Variants in PARD3B observed in about 807,000 individuals in gnomAD.
PARD3B encodes the protein par-3 family cell polarity regulator beta.
A neutral mutation model predicts 130.2 loss-of-function variants in PARD3B; 103 were observed. The observed-to-expected ratio is 0.79, with a 90% CI of 0.67 to 0.93. The LOEUF (loss-of-function observed/expected upper bound fraction) is 0.93, where lower values mean the gene tolerates loss of function less well. Ranked by LOEUF, PARD3B falls within the 40% of genes least tolerant of loss-of-function variation. PARD3B has a pLI of 0.00. For synonymous variants in PARD3B, 583 were observed against 553.2 expected, an observed-to-expected ratio of 1.05 and a Z score of -0.76; for missense variants, 1,609 against 1,499.2, an observed-to-expected ratio of 1.07 and a Z score of -1.21.
Position 204,585,217 on chromosome 2 carries a change from A to G in PARD3B, c.120+39098A>G, listed in dbSNP as rs1158750038. Reference sequence around the variant, plus strand: ...GTTGGGAAGTGTGGTTTCCTTCAGGACAATGGAGGCAGCAGACCTGAAAAC... The same window carrying G: ...GTTGGGAAGTGTGGTTTCCTTCAGGGCAATGGAGGCAGCAGACCTGAAAAC... On this transcript the variant is annotated intron_variant, in intron 1 of 22. Coordinates refer to ENST00000406610, the MANE Select transcript of PARD3B (RefSeq NM_001302769.2). 2.6e-5 allele frequency among the ~76,000 whole-genome samples: 4 copies of G among 152,320 alleles called. No homozygotes were observed. In the South Asian group the frequency reaches 6.2e-4, roughly 24 times the overall value.
At chr2:204,554,174 C>A (rs2030749388) in intron 1 of PARD3B, among the ~76,000 whole-genome samples, 1 of 152,116 alleles carries the variant, frequency 6.6e-6, no homozygotes, top group South Asian at 2.1e-4. Context: ...TACGTCTTAG[C>A]ACTACAGTAC....
At chr2:204,883,002 G>A (rs1421462451) in intron 2 of PARD3B, among the ~76,000 whole-genome samples, 2 of 152,176 alleles carry the variant, frequency 1.3e-5, no homozygotes, top group Non-Finnish European at 2.9e-5. Context: ...CTCCTGTAAA[G>A]ACACCTTGTA....
Position 205,158,669 on chromosome 2 carries a change from A to G in PARD3B, c.1435-53A>G. ...TGTGTCTGGTCATCTGAGAGAGTGA[A>G]ATATTAATCTGCTTTCTTCTCTTCA... On this transcript the variant is annotated intron_variant, in intron 10 of 22. Coordinates refer to ENST00000406610, the MANE Select transcript of PARD3B (RefSeq NM_001302769.2). This position sits in a 1 kb window ranked among gnomAD's most constrained non-coding sequence, Gnocchi z 5.4. 6.6e-7 allele frequency: 1 copy of G among 1,507,872 alleles called. No individual in the cohort carries two copies. Among genetic ancestry groups the G allele is most frequent in the Non-Finnish European group, 9.1e-7 (1 of 1,102,248 alleles). The allele number at this position is 1,507,872 out of a possible 1,614,324, so 93.4% of individuals were successfully genotyped here. A position where few individuals can be genotyped will look rare whatever the true frequency, so the allele number is the denominator to read the frequency against.
chr2:204,729,395 A>G (rs541182027), intron 2 of PARD3B, among the ~76,000 whole-genome samples: 7 of 152,258 alleles, frequency 4.6e-5, no homozygotes, highest in South Asian at 2.1e-4. Context: ...GAAGAGGCCA[A>G]TTGTGCTTTT....
intron 1 of PARD3B, among the ~76,000 whole-genome samples, chr2:204,631,493 G>A (rs888373925): frequency 2.6e-5 from 4 of 152,004 alleles, no homozygotes; most frequent in Admixed American, 6.6e-5. Flanking sequence ...CGTGATCTGC[G>A]TGCTTCAGCC....
chr2:204,921,822 A>G (rs543813716), intron 2 of PARD3B, among the ~76,000 whole-genome samples: 3 of 152,162 alleles, frequency 2.0e-5, no homozygotes, highest in Non-Finnish European at 2.9e-5. Flanking sequence ...GACTATTGCA[A>G]TAAGTCAGAT....
At position 204,837,556 on chromosome 2, in the gene PARD3B, A is replaced by G. The variant is rs534926054; in HGVS notation, c.223-127596A>G. 2.6e-3 allele frequency among the ~76,000 whole-genome samples: 399 copies of G among 151,680 alleles called. 2 individuals carry two copies. Among genetic ancestry groups the G allele is most frequent in the African/African-American group, 9.4e-3 (387 of 41,298 alleles). Reference sequence around the variant, plus strand: ...CTGCCTTGGTTCCCAAATAGCTGGGATTACAGGCACGTGTCACCATGCCTG... The same window carrying G: ...CTGCCTTGGTTCCCAAATAGCTGGGGTTACAGGCACGTGTCACCATGCCTG... On this transcript the variant is annotated intron_variant, in intron 2 of 22. Coordinates refer to ENST00000406610, the MANE Select transcript of PARD3B (RefSeq NM_001302769.2).
intron 2 of PARD3B, among the ~76,000 whole-genome samples, chr2:204,846,902 T>C (rs2044483649): frequency 6.6e-6 from 1 of 152,126 alleles, no homozygotes; most frequent in South Asian, 2.1e-4. Flanking sequence ...ACTCATCCTC[T>C]GACTGTAGAT....
intron 2 of PARD3B, among the ~76,000 whole-genome samples, chr2:204,795,994 A>C (rs893897763): frequency 2.0e-5 from 3 of 152,316 alleles, no homozygotes; most frequent in South Asian, 4.1e-4. Flanking sequence ...ATCACTCTAC[A>C]TGTTTTTTCT....
intron 2 of PARD3B, among the ~76,000 whole-genome samples, chr2:204,737,287 T>TG (rs1315621512): frequency 6.6e-6 from 1 of 152,212 alleles, no homozygotes; most frequent in Non-Finnish European, 1.5e-5. Flanking sequence ...TGGCCATTCT[T>TG]GCAGGAGTAG....
intron 4 of PARD3B, among the ~76,000 whole-genome samples, chr2:205,057,909 TGTG>T (rs1699835225): frequency 6.6e-6 from 1 of 151,740 alleles, no homozygotes. Context: ...TTTTTTAAAT[TGTG>T]GTAAAATATA....
At chr2:205,516,409 T>C (rs1292716272) in intron 21 of PARD3B, among the ~76,000 whole-genome samples, 1 of 152,170 alleles carries the variant, frequency 6.6e-6, no homozygotes, top group Non-Finnish European at 1.5e-5. Context: ...TGTTTTTCCA[T>C]TTGTTTGTGT....
chr2:204,975,382 C>T (rs761852247), intron 3 of PARD3B, among the ~76,000 whole-genome samples: 18 of 152,180 alleles, frequency 1.2e-4, no homozygotes, highest in South Asian at 4.1e-4. Flanking sequence ...CGCTACTCCC[C>T]GGACACGATC....
chr2:205,380,484 AAT>A (rs373853963), intron 18 of PARD3B, among the ~76,000 whole-genome samples: 4,122 of 17,958 alleles, frequency 0.23, 152 homozygotes, highest in South Asian at 0.37. Context: ...TATTATATAT[AAT>A]ATATAAAGAA....
At chr2:204,722,398 C>T (rs2039036862) in intron 2 of PARD3B, among the ~76,000 whole-genome samples, 1 of 152,170 alleles carries the variant, frequency 6.6e-6, no homozygotes, top group Admixed American at 6.5e-5. Context: ...TTGGCAGTGA[C>T]AGTGTCTTGG....
chr2:205,239,529 G>T (rs1193870263), intron 15 of PARD3B, among the ~76,000 whole-genome samples: 1 of 152,128 alleles, frequency 6.6e-6, no homozygotes, highest in East Asian at 1.9e-4. Flanking sequence ...ATTTATGAAG[G>T]AATTACTTGG....
At chr2:205,539,302 C>CT (rs2052013625) in intron 21 of PARD3B, among the ~76,000 whole-genome samples, 1 of 152,174 alleles carries the variant, frequency 6.6e-6, no homozygotes, top group African/African-American at 2.4e-5. Flanking sequence ...CAGATGATGT[C>CT]TGAGAACATG....
At chr2:204,568,348 AAG>A (rs1255763279) in intron 1 of PARD3B, among the ~76,000 whole-genome samples, 1 of 152,248 alleles carries the variant, frequency 6.6e-6, no homozygotes, top group African/African-American at 2.4e-5. Context: ...ATAACAGAAA[AAG>A]AAATAACAAA....
rs1477100179 is a variant in PARD3B, at chr2:205,287,953, G to A, written c.2186-12577G>A. Among the ~76,000 whole-genome samples, 1 of 152,134 alleles carries A rather than the reference G, an allele frequency of 6.6e-6. No individual in the cohort carries two copies. Among genetic ancestry groups the A allele is most frequent in the Non-Finnish European group, 1.5e-5 (1 of 68,024 alleles). The stretch of plus-strand genomic sequence containing the variant: ...CGCTGGCAAAGATTCCTCAGGCTGA[G>A]TTACTGGGAAACTCCAGTATGCTGT... On this transcript the variant is annotated intron_variant, in intron 16 of 22. Transcript: ENST00000406610. This position sits in a 1 kb window ranked among gnomAD's most constrained non-coding sequence, Gnocchi z 4.8.
Sources: allele counts gnomAD v4.1 joint callset (sites outside exome capture counted in the v4.1 genomes callset), GRCh38; gene constraint gnomAD v4.1.1; non-coding constraint Gnocchi (gnomAD v3.1); transcripts MANE v1.5; gene names NCBI Gene and HGNC (gene_info 2026-07-23, HGNC 2026-07-21).